The following GPBP1L1 variants were observed in gnomAD, a reference collection of about 807,000 sequenced individuals.
GPBP1L1 encodes the protein vasculin-like protein 1.
GPBP1L1 carries 23 observed loss-of-function variants against 52.5 expected under a neutral mutation model. The ratio of observed to expected loss-of-function variants is 0.44; its 90% CI spans 0.32 to 0.62. The LOEUF is 0.62. GPBP1L1 is among the 20% of genes least tolerant of loss of function. GPBP1L1 has a pLI of 0.06. For synonymous variants in GPBP1L1, 243 were observed against 203.1 expected (o/e 1.20, Z -1.67); for missense variants, 596 against 579.3 (o/e 1.03, Z -0.30).
At chr1:45,657,308 T>A (rs1002680076) in intron 4 of GPBP1L1, among the ~76,000 whole-genome samples, 1 of 152,040 alleles carries the variant, frequency 6.6e-6, no homozygotes, top group Non-Finnish European at 1.5e-5. Context: ...CTGAGGCAGG[T>A]ACATCGCTTG....
chr1:45,655,481 T>G, intron 4 of GPBP1L1, 162 bp from the exon 5 acceptor site: 1 of 678,986 alleles, frequency 1.5e-6, no homozygotes. Context: ...GGTGCCTAAT[T>G]TAGAGAAGTC....
chr1:45,654,532 T>G lies in GPBP1L1; in HGVS notation c.477+11A>C, dbSNP rs1216725571. 2 of 1,600,208 alleles carry G rather than the reference T, an allele frequency of 1.2e-6. No homozygotes were observed. The highest frequency in any genetic ancestry group is 1.7e-6 in the Non-Finnish European group (2 of 1,170,446). The stretch of plus-strand genomic sequence containing the variant: ...TGGCTTCTAACCACACATCTAAAGA[T>G]TCATACTTACAAAGTCCTCCTCTTC... On this transcript the variant is annotated intron_variant, in intron 6 of 12. Coordinates refer to ENST00000355105, the MANE Select transcript of GPBP1L1 (RefSeq NM_021639.5).
intron 2 of GPBP1L1, among the ~76,000 whole-genome samples, chr1:45,682,357 A>G (rs1443398803): frequency 6.6e-6 from 1 of 152,176 alleles, no homozygotes; most frequent in African/African-American, 2.4e-5. Flanking sequence ...GGGGGAAAAA[A>G]CTTACTCCAC....
intron 6 of GPBP1L1, among the ~76,000 whole-genome samples, chr1:45,648,622 T>C (rs1439192856): frequency 6.6e-6 from 1 of 152,218 alleles, no homozygotes; most frequent in East Asian, 1.9e-4. Context: ...TTTGTCCCTA[T>C]CCCTTTACGG....
upstream of GPBP1L1, chr1:45,687,441 C>G (rs1036812241): frequency 3.3e-5 from 5 of 152,374 alleles, no homozygotes; most frequent in African/African-American, 9.6e-5. Context: ...GCTAGACTAC[C>G]TAGAATCCGG....
chr1:45,655,281 T>A lies in GPBP1L1; in HGVS notation c.99A>T (p.Leu33=). 1.9e-6 allele frequency: 3 copies of A among 1,613,948 alleles called. No homozygotes were observed. Among genetic ancestry groups the A allele is most frequent in the South Asian group, 2.2e-5 (2 of 91,080 alleles). The change falls in exon 5 of 13, where the codon CTA becomes CTT. Residue 33 remains leucine, a synonymous_variant. Transcript: ENST00000355105. ...TATFEKHGEH[L]PRGEGRFGVS... is the part of the protein sequence containing the mutation. ...CTCCAAATCTACCTTCTCCTCTGGG[T>A]AGGTGCTCTCCGTGTTTTTCGAAGG...
intron 6 of GPBP1L1, among the ~76,000 whole-genome samples, chr1:45,646,804 C>A (rs540331522): frequency 7.9e-5 from 12 of 151,936 alleles, no homozygotes; most frequent in African/African-American, 2.7e-4. Flanking sequence ...TGATCTGCCC[C>A]CCTCGGCCTC....
intron 6 of GPBP1L1, chr1:45,646,220 G>A (rs1403714977): frequency 6.4e-5 from 17 of 267,660 alleles, no homozygotes; most frequent in South Asian, 4.2e-4. Flanking sequence ...AAACAATGCC[G>A]GAAAGAGCAA....
rs113506790 is a variant in GPBP1L1 at position 45,663,361 on chromosome 1, T to C, written c.-1097-2136A>G. On this transcript the variant is annotated intron_variant, in intron 2 of 12. Transcript: ENST00000355105. ...ACAATTCCCTCTTTTCAATCACCAC[T>C]AGGTACCTTCCGGTTTTCCAACTGA... 4.0e-3 allele frequency among the ~76,000 whole-genome samples: 607 copies of C among 152,288 alleles called. 4 individuals are homozygous for C. Among genetic ancestry groups the C allele is most frequent in the African/African-American group, 0.014 (572 of 41,558 alleles).
intron 6 of GPBP1L1, among the ~76,000 whole-genome samples, chr1:45,646,912 G>A (rs1022659419): frequency 4.0e-5 from 6 of 151,844 alleles, no homozygotes; most frequent in African/African-American, 1.5e-4. Flanking sequence ...GGGGCGGGGT[G>A]GGAAGATCCT....
At chr1:45,642,618 C>T (rs1644688417) in intron 6 of GPBP1L1, 119 bp from the exon 7 acceptor site, 1 of 712,620 alleles carries the variant, frequency 1.4e-6, no homozygotes, top group East Asian at 2.5e-5. Context: ...ATTAGCAACA[C>T]TTACTAATTT....
chr1:45,667,155 G>A (rs1645020328), intron 2 of GPBP1L1, among the ~76,000 whole-genome samples: 1 of 152,072 alleles, frequency 6.6e-6, no homozygotes, highest in African/African-American at 2.4e-5. Flanking sequence ...TTCATGCCAT[G>A]GAATTGCACA....
rs140538986 is a variant in GPBP1L1 at position 45,642,485 on chromosome 1, T to C, written c.492A>G (p.Pro164=). 1.9e-6 allele frequency: 3 copies of C among 1,613,898 alleles called. No individual in the cohort carries two copies. The African/African-American group carries it at 4.0e-5, about 22-fold the overall frequency. ...ATGGCTGATGCTGTTTGCCAGCTTC[T>C]GGATTCAAGGAAGGCTAGGAAAAAA... ...FEEEDFPSLN[P]EAGKQHQPCR... Residue 164 remains proline (P), a synonymous_variant, in exon 7 of 13, where the codon CCA becomes CCG. Coordinates refer to ENST00000355105, the MANE Select transcript of GPBP1L1 (RefSeq NM_021639.5).
At chr1:45,660,109 G>C in intron 3 of GPBP1L1, 75 bp downstream of exon 3, 2 of 860,882 alleles carry the variant, frequency 2.3e-6, no homozygotes, top group Non-Finnish European at 2.8e-6. Context: ...AATTACATCA[G>C]AAAGCAGTCG....
chr1:45,645,857 G>C (rs60360728), intron 6 of GPBP1L1: 5 of 501,060 alleles, frequency 1.0e-5, no homozygotes, highest in Non-Finnish European at 1.9e-5. Context: ...GTGTGTTTTC[G>C]TCTTGCTTCT....
At chr1:45,679,253 C>T (rs1201697277) in intron 2 of GPBP1L1, among the ~76,000 whole-genome samples, 1 of 152,122 alleles carries the variant, frequency 6.6e-6, no homozygotes, top group Non-Finnish European at 1.5e-5. Flanking sequence ...AGCAGAGGCT[C>T]CCTTGACTTG....
At chr1:45,678,587 A>G (rs970117867) in intron 2 of GPBP1L1, among the ~76,000 whole-genome samples, 1 of 152,182 alleles carries the variant, frequency 6.6e-6, no homozygotes, top group Non-Finnish European at 1.5e-5. Flanking sequence ...TACAGGAATT[A>G]AAAAAAGAAC....
chr1:45,682,787 C>T (rs1319339886), intron 2 of GPBP1L1, among the ~76,000 whole-genome samples: 2 of 152,128 alleles, frequency 1.3e-5, no homozygotes, highest in Non-Finnish European at 2.9e-5. Flanking sequence ...AATATATCTA[C>T]CTCAGTTAAA....
intron 2 of GPBP1L1, among the ~76,000 whole-genome samples, chr1:45,673,796 T>A (rs1483367745): frequency 6.6e-6 from 1 of 150,614 alleles, no homozygotes; most frequent in Non-Finnish European, 1.5e-5. Context: ...GAGACAGAGG[T>A]TGCACTGAGC....
Sources: gnomAD v4.1 joint callset for allele counts (sites outside exome capture counted in the v4.1 genomes callset) on GRCh38, gnomAD v4.1.1 for gene constraint, MANE v1.5 for transcripts, NCBI Gene and HGNC (gene_info 2026-07-23, HGNC 2026-07-21) for gene names.